Variants in CAMK4 observed in about 807,000 individuals in gnomAD.
CAMK4 encodes calcium/calmodulin-dependent protein kinase type IV.
Under a neutral mutation model 44.9 loss-of-function variants are expected in CAMK4, and 22 were observed. The ratio of observed to expected loss-of-function variants is 0.49; its 90% confidence interval spans 0.35 to 0.70. The LOEUF (loss-of-function observed/expected upper bound fraction) is 0.70, where lower values mean the gene tolerates loss of function less well. CAMK4 is among the 30% of genes least tolerant of loss of function. CAMK4 has a pLI of 0.01. For missense variants in CAMK4, 498 were observed against 586.8 expected (o/e 0.85, Z 1.56); for synonymous variants, 218 against 215.4 (o/e 1.01, Z -0.11).
At chr5:111,398,374 G>T (rs1752098667) in intron 5 of CAMK4, among the ~76,000 whole-genome samples, 1 of 152,134 alleles carries the variant, frequency 6.6e-6, no homozygotes, top group Non-Finnish European at 1.5e-5. Context: ...GGGGATAAGG[G>T]GGGTTGTTCT....
At chr5:111,340,333 T>C (rs1197873697) in intron 1 of CAMK4, among the ~76,000 whole-genome samples, 1 of 151,240 alleles carries the variant, frequency 6.6e-6, no homozygotes, top group Non-Finnish European at 1.5e-5. Flanking sequence ...CTTTTTACCA[T>C]TGAGTATATT....
In CAMK4 at chr5:111,263,383, G is replaced by A. The variant is rs542733041; in HGVS notation, c.161+38739G>A. Reference sequence around the variant, plus strand: ...GGGCTCTGACTGAGTGGCCAGTGAAGGCTGTTAAGGGACAATAAATAATTT... The same window carrying A: ...GGGCTCTGACTGAGTGGCCAGTGAAAGCTGTTAAGGGACAATAAATAATTT... On this transcript the variant is annotated intron_variant, in intron 1 of 10. Transcript: ENST00000282356. 1.2e-4 allele frequency among the ~76,000 whole-genome samples: 19 copies of A among 152,276 alleles called. No homozygotes were observed. The South Asian group carries it at 3.9e-3, about 32-fold the overall frequency.
intron 1 of CAMK4, among the ~76,000 whole-genome samples, chr5:111,275,490 T>G (rs1750718359): frequency 6.6e-6 from 1 of 152,144 alleles, no homozygotes; most frequent in African/African-American, 2.4e-5. Flanking sequence ...TCCTCTTGTA[T>G]TCATTTTTTT....
intron 1 of CAMK4, among the ~76,000 whole-genome samples, chr5:111,298,903 A>G (rs1000817245): frequency 6.6e-6 from 1 of 152,212 alleles, no homozygotes; most frequent in African/African-American, 2.4e-5. Flanking sequence ...AGGGGATCTA[A>G]TGAGAGATTA....
chr5:111,432,669 T>TATATAC (rs915801084), intron 5 of CAMK4, among the ~76,000 whole-genome samples: 3 of 148,412 alleles, frequency 2.0e-5, no homozygotes, highest in Non-Finnish European at 4.5e-5. Context: ...TGTGTATATA[T>TATATAC]ATATATATAT....
chr5:111,317,112 A>G (rs1189348609), intron 1 of CAMK4, among the ~76,000 whole-genome samples: 2 of 152,142 alleles, frequency 1.3e-5, no homozygotes. Flanking sequence ...CGAAGACACC[A>G]TGGGCTTCTG....
intron 2 of CAMK4, among the ~76,000 whole-genome samples, chr5:111,367,782 A>C (rs1442318989): frequency 6.6e-6 from 1 of 152,184 alleles, no homozygotes; most frequent in Non-Finnish European, 1.5e-5. Flanking sequence ...AAAGGAAATT[A>C]CTGGGTAGGT....
intron 5 of CAMK4, among the ~76,000 whole-genome samples, chr5:111,434,291 C>CAAA (rs34360413): frequency 0.14 from 18,553 of 131,666 alleles, 1,380 homozygotes; most frequent in Non-Finnish European, 0.19. Flanking sequence ...GACTCTGTCT[C>CAAA]AAAAAAAAAA....
chr5:111,298,740 C>T (rs570306186), intron 1 of CAMK4, among the ~76,000 whole-genome samples: 4 of 152,328 alleles, frequency 2.6e-5, no homozygotes, highest in Admixed American at 2.0e-4. Context: ...TGGCGCTCCT[C>T]CTGTTAACAG....
rs527513256 is a variant in CAMK4 at position 111,290,474 on chromosome 5, A to G, written c.162-53550A>G. On this transcript the variant is annotated intron_variant, in intron 1 of 10. Transcript: ENST00000282356. The surrounding 1 kb of genome is among the most constrained non-coding windows in gnomAD (Gnocchi z 4.5). ...TGAACCAGGAAATGAAGGAATGCCA[A>G]TATACAGATGTGTGAGCCCAAAGTA... Among the ~76,000 whole-genome samples the G allele has an allele frequency of 4.6e-5, 7 of 152,336 alleles. No homozygotes were observed. The South Asian group carries it at 6.2e-4, about 14-fold the overall frequency.
At chr5:111,464,806 G>T (rs1024394745) in intron 7 of CAMK4, among the ~76,000 whole-genome samples, 1 of 152,152 alleles carries the variant, frequency 6.6e-6, no homozygotes, top group African/African-American at 2.4e-5. Context: ...CCTCAACTTA[G>T]TTTACATGTA....
intron 5 of CAMK4, among the ~76,000 whole-genome samples, chr5:111,421,649 T>C (rs1167697942): frequency 6.6e-6 from 1 of 152,208 alleles, no homozygotes; most frequent in African/African-American, 2.4e-5. Flanking sequence ...TTTGTCTTGT[T>C]TTTTTGTTTG....
intron 5 of CAMK4, among the ~76,000 whole-genome samples, chr5:111,418,729 G>A (rs1752907741): frequency 6.6e-6 from 1 of 152,024 alleles, no homozygotes; most frequent in Non-Finnish European, 1.5e-5. Context: ...TACTGAGAAT[G>A]ATGGTTTCCA....
intron 2 of CAMK4, among the ~76,000 whole-genome samples, chr5:111,360,547 A>G (rs1228317152): frequency 6.6e-6 from 1 of 152,114 alleles, no homozygotes; most frequent in African/African-American, 2.4e-5. Context: ...GTCTTGGAAA[A>G]TATCAGAGAT....
chr5:111,423,423 A>G (rs1463109820), intron 5 of CAMK4, among the ~76,000 whole-genome samples: 1 of 152,216 alleles, frequency 6.6e-6, no homozygotes, highest in Non-Finnish European at 1.5e-5. Flanking sequence ...ACTTCTCACA[A>G]TTTAACATTG....
intron 1 of CAMK4, among the ~76,000 whole-genome samples, chr5:111,288,713 T>A (rs1239832826): frequency 6.6e-6 from 1 of 152,210 alleles, no homozygotes; most frequent in Non-Finnish European, 1.5e-5. Flanking sequence ...TATATGCTAT[T>A]CCTGTACTAG....
At chr5:111,372,706 A>G (rs1044832873) in intron 2 of CAMK4, among the ~76,000 whole-genome samples, 1 of 152,196 alleles carries the variant, frequency 6.6e-6, no homozygotes, top group African/African-American at 2.4e-5. Flanking sequence ...AGCTTTGATC[A>G]ATACATGGTC....
In CAMK4 at chr5:111,489,582, T is replaced by TGGTTC. The variant is rs1378780669; in HGVS notation, c.*5117_*5121dup. 1 of 152,200 alleles carries TGGTTC rather than the reference T, an allele frequency of 6.6e-6. No homozygotes were observed. The allele number at this position is 152,200 out of a possible 1,614,324, so 9.4% of individuals were successfully genotyped here. A position where few individuals can be genotyped will look rare whatever the true frequency, so the allele number is the denominator to read the frequency against. The stretch of plus-strand genomic sequence containing the variant: ...AGAACTCAGTCTGTTCCCTGTTGTC[T>TGGTTC]GGTTCAGAGGTCCACCAGGGCAAAA... On this transcript the variant is annotated 3_prime_UTR_variant, in exon 11 of 11. Transcript: ENST00000282356.
intron 1 of CAMK4, chr5:111,270,118 A>G (rs1370740847): frequency 6.6e-6 from 1 of 152,278 alleles, no homozygotes; most frequent in African/African-American, 2.4e-5. Context: ...CTCCGCTTCC[A>G]TGGTGTTATA....
Sources: gnomAD v4.1 joint callset for allele counts (sites outside exome capture counted in the v4.1 genomes callset) on GRCh38, gnomAD v4.1.1 for gene constraint, Gnocchi (gnomAD v3.1) non-coding constraint, MANE v1.5 for transcripts, NCBI Gene and HGNC (gene_info 2026-07-23, HGNC 2026-07-21) for gene names.